PTPN3: variants seen among roughly 807,000 people sequenced by gnomAD.
PTPN3 encodes the protein protein tyrosine phosphatase non-receptor type 3.
PTPN3 carries 96 observed loss-of-function variants against 132.7 expected under a neutral mutation model. The ratio of observed to expected loss-of-function variants is 0.72; its 90% CI spans 0.61 to 0.86. PTPN3 has a LOEUF of 0.86. Ranked by LOEUF, PTPN3 falls within the 40% of genes least tolerant of loss-of-function variation. PTPN3 has a pLI of 0.00. For synonymous variants in PTPN3, 398 were observed against 429.0 expected (o/e 0.93, Z 0.89); for missense variants, 1,125 against 1,159.6 (o/e 0.97, Z 0.43).
At chr9:109,405,828 C>T (rs1564399761) in intron 18 of PTPN3, among the ~76,000 whole-genome samples, 1 of 152,236 alleles carries the variant, frequency 6.6e-6, no homozygotes, top group Non-Finnish European at 1.5e-5. Context: ...TCAAGTGATA[C>T]ACCCACCTTG....
chr9:109,475,896 C>G (rs1422773741), intron 1 of PTPN3, among the ~76,000 whole-genome samples: 4 of 152,172 alleles, frequency 2.6e-5, no homozygotes, highest in Non-Finnish European at 5.9e-5. Context: ...GCCAGAGAAA[C>G]CCAATCCTCA....
At chr9:109,409,654 T>C (rs1841916152) in intron 16 of PTPN3, among the ~76,000 whole-genome samples, 1 of 152,030 alleles carries the variant, frequency 6.6e-6, no homozygotes, top group Non-Finnish European at 1.5e-5. Flanking sequence ...ACCCCATCTC[T>C]ACAAAAAATA....
the PTPN3 span, among the ~76,000 whole-genome samples, chr9:109,504,789 T>C: frequency 2.0e-5 from 3 of 151,820 alleles, no homozygotes; most frequent in East Asian, 1.9e-4. Flanking sequence ...ACTCAGATCA[T>C]TGAGGATGCT....
intron 14 of PTPN3, among the ~76,000 whole-genome samples, chr9:109,414,967 T>C (rs905847622): frequency 8.5e-5 from 13 of 152,100 alleles, no homozygotes; most frequent in Admixed American, 7.2e-4. Context: ...GGGCATCCCA[T>C]TGTGAAAACT....
At chr9:109,506,061 G>A in the PTPN3 span, among the ~76,000 whole-genome samples, 1 of 152,122 alleles carries the variant, frequency 6.6e-6, no homozygotes, top group Non-Finnish European at 1.5e-5. Context: ...CAGAACATCA[G>A]CTTCTTAAAG....
chr9:109,449,875 T>C (rs1845133898), intron 5 of PTPN3: 1 of 985,324 alleles, frequency 1.0e-6, no homozygotes, highest in Non-Finnish European at 1.2e-6. Flanking sequence ...GAGATGGGAA[T>C]GCTTCAAACA....
chr9:109,488,473 A>G (rs1038190726), intron 1 of PTPN3, among the ~76,000 whole-genome samples: 1 of 152,130 alleles, frequency 6.6e-6, no homozygotes, highest in East Asian at 1.9e-4. Flanking sequence ...CAGCAGTACT[A>G]GTATCTTGCA....
chr9:109,389,063 C>T (rs867087215), intron 22 of PTPN3, among the ~76,000 whole-genome samples, 170 bp downstream of exon 22: 2 of 152,112 alleles, frequency 1.3e-5, no homozygotes, highest in African/African-American at 2.4e-5. Context: ...AGGAGGAGGG[C>T]TGAGCCTCCC....
At chr9:109,517,229 A>AT in the PTPN3 span, among the ~76,000 whole-genome samples, 1 of 152,150 alleles carries the variant, frequency 6.6e-6, no homozygotes, top group Non-Finnish European at 1.5e-5. Flanking sequence ...AGCAAGGACC[A>AT]TTTTTATTCA....
intron 2 of PTPN3, among the ~76,000 whole-genome samples, chr9:109,458,619 G>A (rs181654126): frequency 2.6e-5 from 4 of 152,198 alleles, no homozygotes; most frequent in Middle Eastern, 3.4e-3. Context: ...CAGATTATTC[G>A]GTCTGAAGTG....
At chr9:109,407,541 AAAAT>A (rs1841668537) in intron 17 of PTPN3, among the ~76,000 whole-genome samples, 3 of 152,276 alleles carry the variant, frequency 2.0e-5, no homozygotes, top group African/African-American at 7.2e-5. Flanking sequence ...TAAAAACAAT[AAAAT>A]AAATTTATTT....
At chr9:109,510,247 A>G in the PTPN3 span, among the ~76,000 whole-genome samples, 1 of 152,198 alleles carries the variant, frequency 6.6e-6, no homozygotes, top group African/African-American at 2.4e-5. Context: ...TCATTATAGC[A>G]CTGCTGATAA....
At chr9:109,484,859 G>A (rs533685976) in intron 1 of PTPN3, among the ~76,000 whole-genome samples, 1 of 152,202 alleles carries the variant, frequency 6.6e-6, no homozygotes, top group Admixed American at 6.5e-5. Context: ...CCCATCCTGC[G>A]CTAGGACAAA....
At position 109,461,493 on chromosome 9, in the gene PTPN3, G is replaced by A. The variant is rs139800746; in HGVS notation, c.138+1804C>T. 3.3e-5 allele frequency among the ~76,000 whole-genome samples: 5 copies of A among 152,344 alleles called. No homozygotes were observed. The East Asian group carries it at 9.6e-4, about 29-fold the overall frequency. Reference sequence around the variant, plus strand: ...ATTTAAGCCAGGCATGGTAGCTCATGCTTTACAATTCCAGCACTTCAGGAA... The same window carrying A: ...ATTTAAGCCAGGCATGGTAGCTCATACTTTACAATTCCAGCACTTCAGGAA... On this transcript the variant is annotated intron_variant, in intron 2 of 25. Coordinates refer to ENST00000374541, the MANE Select transcript of PTPN3 (RefSeq NM_002829.4).
At chr9:109,503,664 G>T in the PTPN3 span, among the ~76,000 whole-genome samples, 1 of 151,034 alleles carries the variant, frequency 6.6e-6, no homozygotes, top group Non-Finnish European at 1.5e-5. Flanking sequence ...AGCCAAGATT[G>T]CACCACTAAC....
chr9:109,425,578 G>A (rs1843194933), intron 12 of PTPN3, among the ~76,000 whole-genome samples: 1 of 152,070 alleles, frequency 6.6e-6, no homozygotes, highest in Non-Finnish European at 1.5e-5. Context: ...GGGCGTGGTG[G>A]TGGGCACCTG....
At chr9:109,396,262 AAGTG>A (rs1840594590) in intron 19 of PTPN3, among the ~76,000 whole-genome samples, 1 of 152,218 alleles carries the variant, frequency 6.6e-6, no homozygotes, top group Non-Finnish European at 1.5e-5. Flanking sequence ...ACAGAGTGGA[AAGTG>A]AGTGTAGGAA....
At chr9:109,524,678 T>A in the PTPN3 span, among the ~76,000 whole-genome samples, 1 of 152,238 alleles carries the variant, frequency 6.6e-6, no homozygotes, top group African/African-American at 2.4e-5. Context: ...ATAGGATCGT[T>A]ATGGATTCTT....
intron 5 of PTPN3, chr9:109,450,531 A>T: frequency 1.0e-6 from 1 of 985,296 alleles, no homozygotes; most frequent in Admixed American, 6.1e-5. Context: ...TATATTGAGC[A>T]AAGTTTCTGA....
Sources: gnomAD v4.1 joint callset for allele counts (sites outside exome capture counted in the v4.1 genomes callset) on GRCh38, gnomAD v4.1.1 for gene constraint, MANE v1.5 for transcripts, NCBI Gene and HGNC (gene_info 2026-07-23, HGNC 2026-07-21) for gene names.